The following CCDC171 variants were observed in gnomAD, a reference collection of about 807,000 sequenced individuals.
CCDC171 encodes the protein coiled-coil domain-containing protein 171.
A neutral mutation model predicts 168.2 loss-of-function variants in CCDC171; 177 were observed. The ratio of observed to expected loss-of-function variants is 1.05; its 90% CI spans 0.93 to 1.19. The LOEUF (loss-of-function observed/expected upper bound fraction) is 1.19, where lower values mean the gene tolerates loss of function less well. Among genes scored for constraint, CCDC171 ranks in the 50% most tolerant of loss-of-function variants. The pLI is 0.00. For missense variants in CCDC171, 1,991 were observed against 1,539.0 expected, an observed-to-expected ratio of 1.29 and a Z score of -4.91; for synonymous variants, 687 against 540.8, an observed-to-expected ratio of 1.27 and a Z score of -3.75.
At chr9:15,912,084 A>T (rs945678352) in intron 24 of CCDC171, among the ~76,000 whole-genome samples, 6 of 152,226 alleles carry the variant, frequency 3.9e-5, no homozygotes, top group Non-Finnish European at 5.9e-5. Context: ...AACTCTGTGA[A>T]GGAAGCCAAT....
At chr9:15,810,086 A>G (rs1030964200) in intron 21 of CCDC171, among the ~76,000 whole-genome samples, 3 of 152,132 alleles carry the variant, frequency 2.0e-5, no homozygotes, top group Admixed American at 2.0e-4. Flanking sequence ...CGAGCTAGAC[A>G]CAGAGTGCTG....
At chr9:15,794,544 A>G (rs1287910322) in intron 21 of CCDC171, among the ~76,000 whole-genome samples, 1 of 142,476 alleles carries the variant, frequency 7.0e-6, no homozygotes, top group Non-Finnish European at 1.5e-5. Flanking sequence ...GCATCTATTT[A>G]GATAATCATA....
chr9:16,063,370 C>A (rs1040597284), downstream of CCDC171, among the ~76,000 whole-genome samples: 5 of 152,138 alleles, frequency 3.3e-5, no homozygotes, highest in African/African-American at 7.2e-5. Context: ...CTGGCTCCCA[C>A]TCTGAGAAGC....
chr9:15,757,184 C>A (rs369047209), intron 18 of CCDC171, among the ~76,000 whole-genome samples: 2 of 152,222 alleles, frequency 1.3e-5, no homozygotes, highest in African/African-American at 4.8e-5. Flanking sequence ...GAAGAAGACA[C>A]GAAAATGTGG....
chr9:15,736,646 C>A (rs932429567), intron 16 of CCDC171, among the ~76,000 whole-genome samples: 1 of 145,978 alleles, frequency 6.9e-6, no homozygotes, highest in Admixed American at 6.9e-5. Flanking sequence ...GCCACGGTGC[C>A]CGGCTCACAT....
chr9:15,714,221 A>AGT (rs1171156664), intron 11 of CCDC171, among the ~76,000 whole-genome samples: 1 of 152,120 alleles, frequency 6.6e-6, no homozygotes, highest in African/African-American at 2.4e-5. Context: ...TCTTGCCAGG[A>AGT]GTGTGGCATT....
At chr9:15,671,516 A>AC (rs2049109365) in intron 9 of CCDC171, among the ~76,000 whole-genome samples, 1 of 25,356 alleles carries the variant, frequency 3.9e-5, no homozygotes, top group South Asian at 1.3e-3. Context: ...CCAGCCCCCC[A>AC]CCCCCTGCCA....
chr9:15,844,611 G>A (rs2060818564), intron 21 of CCDC171, among the ~76,000 whole-genome samples: 1 of 151,986 alleles, frequency 6.6e-6, no homozygotes, highest in Non-Finnish European at 1.5e-5. Context: ...ACTCAAGGAA[G>A]TATGAATTAT....
intron 8 of CCDC171, among the ~76,000 whole-genome samples, chr9:15,662,979 TCAACAA>T (rs139672521): frequency 0.21 from 31,382 of 150,058 alleles, 3,770 homozygotes; most frequent in African/African-American, 0.34. Context: ...AGACTTCGTC[TCAACAA>T]CAACAACAAC....
intron 16 of CCDC171, among the ~76,000 whole-genome samples, chr9:15,738,626 T>TCTATAGCTG (rs1168830052): frequency 6.6e-5 from 10 of 152,244 alleles, no homozygotes; most frequent in Middle Eastern, 3.4e-3. Flanking sequence ...TTCGATTTTT[T>TCTATAGCTG]TTTTTAAAGC....
chr9:15,893,094 A>C (rs1183471877), intron 24 of CCDC171, among the ~76,000 whole-genome samples: 2 of 152,164 alleles, frequency 1.3e-5, no homozygotes, highest in Non-Finnish European at 2.9e-5. Flanking sequence ...AGATACATAG[A>C]CTAATGGAAC....
At chr9:15,888,750 AT>A (rs1355183418) in intron 24 of CCDC171, among the ~76,000 whole-genome samples, 2 of 152,028 alleles carry the variant, frequency 1.3e-5, no homozygotes, top group Non-Finnish European at 2.9e-5. Context: ...ATTTTTCATC[AT>A]TCAGACCCAA....
intron 18 of CCDC171, among the ~76,000 whole-genome samples, chr9:15,754,189 A>G (rs1226343091): frequency 2.0e-5 from 3 of 152,194 alleles, no homozygotes; most frequent in Non-Finnish European, 4.4e-5. Context: ...CCAATTTAGC[A>G]TATGAATAAC....
chr9:15,639,737 G>A (rs941353038), intron 7 of CCDC171, among the ~76,000 whole-genome samples: 6 of 152,106 alleles, frequency 3.9e-5, no homozygotes, highest in African/African-American at 1.4e-4. Context: ...TGATCAAGAT[G>A]ACTGGCACAG....
chr9:15,909,825 CT>C (rs1474423605), intron 24 of CCDC171, among the ~76,000 whole-genome samples: 10 of 152,060 alleles, frequency 6.6e-5, no homozygotes, highest in Non-Finnish European at 1.2e-4. Context: ...TAATGGTGGT[CT>C]TTTTATTTTT....
chr9:16,033,712 A>T (rs1833408997), intron 6 of CCDC171, among the ~76,000 whole-genome samples: 1 of 151,752 alleles, frequency 6.6e-6, no homozygotes, highest in Non-Finnish European at 1.5e-5. Flanking sequence ...CTGTGGAAAA[A>T]CTGTCTTACA....
intron 21 of CCDC171, among the ~76,000 whole-genome samples, chr9:15,789,448 A>T (rs890247106): frequency 3.9e-5 from 6 of 152,230 alleles, no homozygotes; most frequent in African/African-American, 1.2e-4. Flanking sequence ...ATTGCTTAAT[A>T]ACCTGAAAGT....
intron 24 of CCDC171, among the ~76,000 whole-genome samples, chr9:15,901,956 A>G (rs1487806786): frequency 2.0e-5 from 3 of 152,308 alleles, no homozygotes; most frequent in Non-Finnish European, 4.4e-5. Flanking sequence ...TTGTGACAGC[A>G]TGCTTCAAAG....
intron 1 of CCDC171, among the ~76,000 whole-genome samples, chr9:16,046,498 A>G (rs1344109374): frequency 6.6e-6 from 1 of 152,184 alleles, no homozygotes; most frequent in Non-Finnish European, 1.5e-5. Flanking sequence ...TTTTTCCCTC[A>G]ACTAGACCTT....
Sources: allele counts gnomAD v4.1 joint callset (sites outside exome capture counted in the v4.1 genomes callset), GRCh38; gene constraint gnomAD v4.1.1; transcripts MANE v1.5; gene names NCBI Gene and HGNC (gene_info 2026-07-23, HGNC 2026-07-21).